The following DYNC1I1 variants were observed in gnomAD, a reference collection of about 807,000 sequenced individuals.
DYNC1I1 encodes dynein cytoplasmic 1 intermediate chain 1, also known as cytoplasmic dynein 1 intermediate chain 1.
DYNC1I1 carries 43 observed loss-of-function variants against 86.6 expected under a neutral mutation model. The observed-to-expected ratio is 0.50, with a 90% confidence interval of 0.39 to 0.64. DYNC1I1 has a LOEUF of 0.64. Among genes scored for constraint, DYNC1I1 ranks in the 30% least tolerant of loss-of-function variants. The pLI is 0.00. For missense variants in DYNC1I1, 604 were observed against 788.8 expected (o/e 0.77, Z 2.81); for synonymous variants, 262 against 283.7 (o/e 0.92, Z 0.77).
rs1584133795 is a variant in DYNC1I1 at position 95,892,141 on chromosome 7, C to A, written c.490+22143C>A. ...CACCACCATGCCCAGCTAATTTTTT[C>A]TTTTTTTTAAATTGAGACAGAGTCT... is the stretch of plus-strand genomic sequence containing the variant. On this transcript the variant is annotated intron_variant, in intron 6 of 16. Transcript: ENST00000447467. Among the ~76,000 whole-genome samples, 5 of 148,600 alleles carry A rather than the reference C, an allele frequency of 3.4e-5. No homozygotes were observed. The South Asian group carries it at 1.1e-3, about 32-fold the overall frequency.
intron 8 of DYNC1I1, among the ~76,000 whole-genome samples, chr7:95,985,199 G>A (rs903288595): frequency 1.3e-5 from 2 of 152,070 alleles, no homozygotes; most frequent in Non-Finnish European, 1.5e-5. Flanking sequence ...TTTTGAACTT[G>A]GTATCTGGGG....
At chr7:95,932,008 G>C (rs57338081) in intron 6 of DYNC1I1, among the ~76,000 whole-genome samples, 5,686 of 152,122 alleles carry the variant, frequency 0.037, 273 homozygotes, top group African/African-American at 0.12. Flanking sequence ...ATGTATAATT[G>C]TGTCTATTTT....
chr7:96,086,470 G>T (rs1171831255), intron 16 of DYNC1I1, among the ~76,000 whole-genome samples: 3 of 152,140 alleles, frequency 2.0e-5, no homozygotes, highest in African/African-American at 4.8e-5. Context: ...AAAAACCATG[G>T]TTTGAGAGAC....
At chr7:95,980,306 G>A (rs1174210042) in intron 7 of DYNC1I1, among the ~76,000 whole-genome samples, 1 of 150,866 alleles carries the variant, frequency 6.6e-6, no homozygotes, top group African/African-American at 2.4e-5. Context: ...TCAAACTCTG[G>A]CTTTTTTTTT....
rs568450604 is a variant in DYNC1I1, at chr7:96,077,657, A to G, written c.1650+1460A>G. Among the ~76,000 whole-genome samples the G allele has an allele frequency of 2.0e-5, 3 of 152,298 alleles. No individual in the cohort carries two copies. In the East Asian group the frequency reaches 5.8e-4, roughly 29 times the overall value. On this transcript the variant is annotated intron_variant, in intron 15 of 16. Transcript: ENST00000447467. ...TTCATTTAAAGCAACCAAAAAAACT[A>G]ACATTTTCCTGATTGACTTAGGAGA...
chr7:95,942,120 G>A (rs746842736), intron 6 of DYNC1I1, among the ~76,000 whole-genome samples: 2 of 152,024 alleles, frequency 1.3e-5, no homozygotes, highest in Non-Finnish European at 2.9e-5. Flanking sequence ...TTGATAGACC[G>A]CTAGCAAGAC....
At chr7:95,858,757 T>C (rs149378752) in intron 5 of DYNC1I1, among the ~76,000 whole-genome samples, 83 of 151,688 alleles carry the variant, frequency 5.5e-4, no homozygotes, top group Non-Finnish European at 1.1e-3. Flanking sequence ...TAGTATGTCT[T>C]TAAATAAGCT....
chr7:95,899,579 A>C (rs1331982597), intron 6 of DYNC1I1, among the ~76,000 whole-genome samples: 1 of 152,112 alleles, frequency 6.6e-6, no homozygotes, highest in Non-Finnish European at 1.5e-5. Flanking sequence ...TGAGTCAATG[A>C]CTCCTTGAAA....
intron 10 of DYNC1I1, among the ~76,000 whole-genome samples, chr7:96,001,097 A>C (rs1289360094): frequency 1.3e-5 from 2 of 152,208 alleles, no homozygotes; most frequent in Non-Finnish European, 2.9e-5. Flanking sequence ...TTGTCAACAC[A>C]GAACTCCAGC....
intron 14 of DYNC1I1, among the ~76,000 whole-genome samples, chr7:96,061,644 G>T (rs1379101814): frequency 7.1e-6 from 1 of 141,080 alleles, no homozygotes; most frequent in African/African-American, 2.8e-5. Flanking sequence ...GATTTGGTAT[G>T]GAAAAAGAGT....
intron 1 of DYNC1I1, among the ~76,000 whole-genome samples, chr7:95,781,857 T>C (rs551736553): frequency 6.6e-5 from 10 of 152,206 alleles, no homozygotes; most frequent in African/African-American, 1.7e-4. Flanking sequence ...AAAGGAGGGG[T>C]GCTTGAAGAT....
chr7:95,814,159 A>G (rs1031466051), intron 4 of DYNC1I1, among the ~76,000 whole-genome samples: 4 of 152,132 alleles, frequency 2.6e-5, no homozygotes, highest in Admixed American at 6.6e-5. Flanking sequence ...TCATAGCTCA[A>G]GCTGGTTGAG....
intron 4 of DYNC1I1, among the ~76,000 whole-genome samples, chr7:95,819,830 C>T (rs1247231079): frequency 6.6e-6 from 1 of 152,086 alleles, no homozygotes; most frequent in African/African-American, 2.4e-5. Context: ...ACAATAAGTT[C>T]AAAATTTTTA....
intron 7 of DYNC1I1, among the ~76,000 whole-genome samples, chr7:95,980,987 A>C (rs1370939880): frequency 6.6e-6 from 1 of 152,098 alleles, no homozygotes; most frequent in African/African-American, 2.4e-5. Context: ...ATTTAATCTA[A>C]TGTTTTTCCT....
At chr7:95,784,681 C>A (rs1794082844) in intron 1 of DYNC1I1, among the ~76,000 whole-genome samples, 1 of 152,294 alleles carries the variant, frequency 6.6e-6, no homozygotes, top group Non-Finnish European at 1.5e-5. Context: ...AATAGAGAAC[C>A]TTTGATTGGT....
chr7:95,888,673 A>G (rs1484725222), intron 6 of DYNC1I1, among the ~76,000 whole-genome samples: 1 of 152,180 alleles, frequency 6.6e-6, no homozygotes, highest in Non-Finnish European at 1.5e-5. Flanking sequence ...TGCAAAAGGA[A>G]TAAAATTCAT....
intron 8 of DYNC1I1, 121 bp downstream of exon 8, chr7:95,985,098 T>C: frequency 4.4e-6 from 6 of 1,378,540 alleles, no homozygotes; most frequent in Non-Finnish European, 5.9e-6. Flanking sequence ...AATTTTGGAA[T>C]TGATCTTGCT....
At chr7:95,798,165 T>A (rs1279420926) in intron 1 of DYNC1I1, among the ~76,000 whole-genome samples, 3 of 152,206 alleles carry the variant, frequency 2.0e-5, no homozygotes, top group Admixed American at 6.5e-5. Context: ...TAAAAATGTT[T>A]GAGAACTGCT....
intron 6 of DYNC1I1, among the ~76,000 whole-genome samples, chr7:95,894,450 C>G (rs1310588527): frequency 3.8e-5 from 1 of 26,646 alleles, no homozygotes; most frequent in Non-Finnish European, 1.4e-4. Context: ...GATTTCAATA[C>G]CTGAATTTGG....
Sources: allele counts gnomAD v4.1 joint callset (sites outside exome capture counted in the v4.1 genomes callset), GRCh38; gene constraint gnomAD v4.1.1; transcripts MANE v1.5; gene names NCBI Gene and HGNC (gene_info 2026-07-23, HGNC 2026-07-21).